The following AGMO variants were observed in gnomAD, a reference collection of about 807,000 sequenced individuals.
AGMO encodes alkylglycerol monooxygenase.
AGMO carries 75 observed loss-of-function variants against 60.2 expected under a neutral mutation model. The ratio of observed to expected loss-of-function variants is 1.25; its 90% CI spans 1.03 to 1.51. The LOEUF (loss-of-function observed/expected upper bound fraction) is 1.51, where lower values mean the gene tolerates loss of function less well. Among genes scored for constraint, AGMO ranks in the 40% most tolerant of loss-of-function variants. AGMO has a pLI of 0.00. For synonymous variants in AGMO, 261 were observed against 177.1 expected (o/e 1.47, Z -3.76); for missense variants, 763 against 525.5 (o/e 1.45, Z -4.42).
intron 12 of AGMO, among the ~76,000 whole-genome samples, chr7:15,276,270 T>G (rs778947126): frequency 2.6e-5 from 4 of 152,208 alleles, no homozygotes; most frequent in Admixed American, 1.3e-4. Context: ...GGACAGACTA[T>G]TTCTCTTTCA....
At chr7:15,181,142 A>G in the AGMO span, among the ~76,000 whole-genome samples, 1 of 152,162 alleles carries the variant, frequency 6.6e-6, no homozygotes, top group Non-Finnish European at 1.5e-5. Flanking sequence ...AAATTTCAAC[A>G]TGAGTTTTGG....
At chr7:15,131,499 T>G in the AGMO span, among the ~76,000 whole-genome samples, 1 of 151,996 alleles carries the variant, frequency 6.6e-6, no homozygotes, top group Non-Finnish European at 1.5e-5. Context: ...ACCCCAAAGA[T>G]AAGTTGAAAT....
chr7:15,552,584 T>C (rs1784995930), intron 2 of AGMO, among the ~76,000 whole-genome samples: 1 of 149,116 alleles, frequency 6.7e-6, no homozygotes, highest in Non-Finnish European at 1.5e-5. Flanking sequence ...TCATCATCAC[T>C]GGCCATCAGA....
chr7:15,394,001 G>A, intron 6 of AGMO, 112 bp downstream of exon 6: 1 of 537,262 alleles, frequency 1.9e-6, no homozygotes, highest in Non-Finnish European at 3.0e-6. Context: ...TTATTTATTT[G>A]TAAAATGTGT....
At chr7:15,125,111 C>T in the AGMO span, among the ~76,000 whole-genome samples, 7 of 152,174 alleles carry the variant, frequency 4.6e-5, no homozygotes, top group East Asian at 1.2e-3. Flanking sequence ...TATTTTTCAT[C>T]GCATCCAAAA....
At chr7:15,560,501 T>A (rs932013317) in intron 1 of AGMO, among the ~76,000 whole-genome samples, 2 of 152,104 alleles carry the variant, frequency 1.3e-5, no homozygotes, top group Non-Finnish European at 2.9e-5. Flanking sequence ...GAATATGAAA[T>A]GTAATCATAG....
intron 12 of AGMO, among the ~76,000 whole-genome samples, chr7:15,361,539 C>CA (rs200175234): frequency 0.024 from 704 of 29,446 alleles, 56 homozygotes; most frequent in African/African-American, 0.085. Flanking sequence ...GACTGTGTCT[C>CA]AAAAAAAAAA....
chr7:15,447,827 T>C (rs755943515), intron 3 of AGMO, among the ~76,000 whole-genome samples: 1 of 152,026 alleles, frequency 6.6e-6, no homozygotes, highest in Non-Finnish European at 1.5e-5. Flanking sequence ...CACTGGAGTA[T>C]AGGCGTGAGC....
Position 15,544,789 on chromosome 7 carries a change from A to G in AGMO, c.392T>C (p.Phe131Ser). The G allele has an allele frequency of 6.2e-7, 1 of 1,603,288 alleles. No individual in the cohort carries two copies. The highest frequency in any genetic ancestry group is 8.5e-7 in the Non-Finnish European group (1 of 1,175,326). ...FLGVDFGYYWFHRMAHEVNIM... is the reference protein window; with the variant it reads ...FLGVDFGYYWSHRMAHEVNIM... ...CAGCTTACCATGAGCCATACGATGG[A>G]ACCAGTAGTAGCCAAAGTCAACTCC... Residue 131 changes from phenylalanine (F) to serine (S), a missense_variant, in exon 3 of 13, where the codon TTC becomes TCC. Transcript: ENST00000342526.
At chr7:15,311,260 A>G (rs1048753543) in intron 12 of AGMO, among the ~76,000 whole-genome samples, 2 of 152,242 alleles carry the variant, frequency 1.3e-5, no homozygotes, top group African/African-American at 4.8e-5. Flanking sequence ...GGAAACTCAT[A>G]TAGCGCAAAA....
chr7:15,412,684 T>TAAAAA (rs765917941), intron 5 of AGMO, among the ~76,000 whole-genome samples: 92 of 111,184 alleles, frequency 8.3e-4, no homozygotes, highest in East Asian at 1.7e-3. Context: ...TTTCATTATT[T>TAAAAA]AAAAAAAAAA....
intron 3 of AGMO, among the ~76,000 whole-genome samples, chr7:15,501,003 T>C (rs1405030441): frequency 6.6e-6 from 1 of 152,072 alleles, no homozygotes; most frequent in Non-Finnish European, 1.5e-5. Context: ...TGGAACAATT[T>C]TCTTAGTATT....
At chr7:15,530,929 TG>T (rs1784300715) in intron 3 of AGMO, among the ~76,000 whole-genome samples, 1 of 129,690 alleles carries the variant, frequency 7.7e-6, no homozygotes, top group African/African-American at 2.8e-5. Flanking sequence ...TATTTTGAGA[TG>T]GAGTTTCGCT....
downstream of AGMO, among the ~76,000 whole-genome samples, chr7:15,196,244 T>C (rs573355316): frequency 2.2e-3 from 336 of 152,108 alleles, 1 homozygote; most frequent in African/African-American, 7.8e-3. Flanking sequence ...AGAAGGGGTT[T>C]CACCATATTG....
In AGMO at chr7:15,442,619, T is replaced by A. The variant is rs181000879; in HGVS notation, c.410-11511A>T. Among the ~76,000 whole-genome samples, 17 of 152,210 alleles carry A rather than the reference T, an allele frequency of 1.1e-4. 1 individual carries two copies. Among genetic ancestry groups the A allele is most frequent in the Admixed American group, 9.8e-4 (15 of 15,298 alleles). On this transcript the variant is annotated intron_variant, in intron 3 of 12. Coordinates refer to ENST00000342526, the MANE Select transcript of AGMO (RefSeq NM_001004320.2). The stretch of plus-strand genomic sequence containing the variant: ...TTTTTGTTTTTTGATCTTATAGTGA[T>A]ACAGGAGGAGGGCAGGGAAGTGCTG...
At chr7:15,383,191 G>T (rs117987530) in intron 10 of AGMO, among the ~76,000 whole-genome samples, 1 of 152,104 alleles carries the variant, frequency 6.6e-6, no homozygotes, top group Non-Finnish European at 1.5e-5. Flanking sequence ...TCTTTGAATG[G>T]CAGTATTTTA....
intron 3 of AGMO, among the ~76,000 whole-genome samples, chr7:15,539,313 T>C (rs114869137): frequency 0.025 from 3,790 of 152,034 alleles, 143 homozygotes; most frequent in African/African-American, 0.086. Flanking sequence ...CACCCTCGAG[T>C]TGGCTGCAGT....
At chr7:15,444,461 A>G (rs1353725014) in intron 3 of AGMO, among the ~76,000 whole-genome samples, 1 of 152,162 alleles carries the variant, frequency 6.6e-6, no homozygotes, top group Non-Finnish European at 1.5e-5. Context: ...AGTCACTTGA[A>G]TCTTTCCAAA....
intron 12 of AGMO, among the ~76,000 whole-genome samples, chr7:15,340,312 C>T (rs1781802089): frequency 6.6e-6 from 1 of 152,184 alleles, no homozygotes; most frequent in Non-Finnish European, 1.5e-5. Context: ...CATATCAGTA[C>T]TCAAAGTTTT....
Sources: allele counts gnomAD v4.1 joint callset (sites outside exome capture counted in the v4.1 genomes callset), GRCh38; gene constraint gnomAD v4.1.1; transcripts MANE v1.5; gene names NCBI Gene and HGNC (gene_info 2026-07-23, HGNC 2026-07-21).